ARFGEF2: variants seen among roughly 807,000 people sequenced by gnomAD.
The protein encoded by ARFGEF2 is brefeldin A-inhibited guanine nucleotide-exchange protein 2.
In ARFGEF2, 74 loss-of-function variants were observed where a neutral mutation model predicts 219.9. The observed-to-expected ratio is 0.34, with a 90% confidence interval of 0.28 to 0.41. The LOEUF (loss-of-function observed/expected upper bound fraction) is 0.41, where lower values mean the gene tolerates loss of function less well. Ranked by LOEUF, ARFGEF2 falls within the 10% of genes least tolerant of loss-of-function variation. The pLI is 1.00. For synonymous variants in ARFGEF2, 733 were observed against 799.2 expected, an observed-to-expected ratio of 0.92 and a Z score of 1.40; for missense variants, 1,743 against 2,218.3, an observed-to-expected ratio of 0.79 and a Z score of 4.30.
intron 1 of ARFGEF2, among the ~76,000 whole-genome samples, chr20:48,936,341 C>CG (rs1343511517): frequency 4.5e-4 from 65 of 145,310 alleles, no homozygotes; most frequent in African/African-American, 1.6e-3. Flanking sequence ...GCTGGCTGGG[C>CG]GGGGGGCTGA....
intron 34 of ARFGEF2, among the ~76,000 whole-genome samples, chr20:49,021,012 A>T (rs1312183193): frequency 6.6e-6 from 1 of 152,116 alleles, no homozygotes; most frequent in Admixed American, 6.5e-5. Context: ...GTTTTAATTG[A>T]CTTGGCATAA....
At chr20:49,017,783 C>T (rs2091540067) in intron 33 of ARFGEF2, among the ~76,000 whole-genome samples, 1 of 152,144 alleles carries the variant, frequency 6.6e-6, no homozygotes, top group Non-Finnish European at 1.5e-5. Flanking sequence ...CTTTGTGTGA[C>T]CGTGCATGCC....
Position 48,941,888 on chromosome 20 carries a change from G to A in ARFGEF2, c.177G>A (p.Lys59=). The part of the protein sequence containing the change: ...KQRLGTAAPP[K]ANFIEADKYF... ...GGCTTGGCACTGCTGCACCACCAAA[G>A]GCAAACTTCATTGAAGCTGACAAGT... Residue 59 remains lysine, a synonymous_variant, in exon 3 of 39, where the codon AAG becomes AAA. Transcript: ENST00000371917. 1 of 1,614,234 alleles carries A rather than the reference G, an allele frequency of 6.2e-7. No individual in the cohort carries two copies. The highest frequency in any genetic ancestry group is 8.5e-7 in the Non-Finnish European group (1 of 1,180,042).
chr20:49,028,328 G>T (rs1004357097), intron 36 of ARFGEF2, among the ~76,000 whole-genome samples: 2 of 152,176 alleles, frequency 1.3e-5, no homozygotes, highest in African/African-American at 4.8e-5. Context: ...GGCTGAGGCA[G>T]GAGGATCATT....
In ARFGEF2 at chr20:49,032,101, C is replaced by T. The variant is rs1303771541; in HGVS notation, c.5116C>T (p.Arg1706Trp). Residue 1706 changes from arginine (R) to tryptophan (W), a missense_variant, in exon 38 of 39, where the codon CGG (arginine) becomes TGG (tryptophan). By Grantham distance (101) the Arg-to-Trp change is moderately radical. This residue lies in a region of ARFGEF2 where 578 missense variants were observed against 664.0 expected (regional missense o/e 0.87). Transcript: ENST00000371917. ...CATCACTGTGAATTCTGAGAGCCAT[C>T]GGGAGGCCTGGACAAGTCTCTTGTT... ...YFITVNSESH[R>W]EAWTSLLLLL... The T allele has an allele frequency of 9.3e-6, 15 of 1,614,030 alleles. No individual in the cohort carries two copies. The highest frequency in any genetic ancestry group is 7.7e-5 in the South Asian group (7 of 91,078).
chr20:48,953,916 C>G, intron 6 of ARFGEF2, 126 bp downstream of exon 6: 1 of 1,003,344 alleles, frequency 1.0e-6, no homozygotes, highest in Admixed American at 2.0e-5. Flanking sequence ...CTTTCTGGGC[C>G]TTTCCCTTTG....
chr20:48,989,166 C>T, intron 18 of ARFGEF2, 119 bp from the exon 19 acceptor site: 1 of 1,145,020 alleles, frequency 8.7e-7, no homozygotes, highest in Non-Finnish European at 1.3e-6. Flanking sequence ...TTGTAATGGA[C>T]TCACGAGATG....
At chr20:49,019,825 T>C (rs1285275487) in intron 34 of ARFGEF2, among the ~76,000 whole-genome samples, 1 of 152,234 alleles carries the variant, frequency 6.6e-6, no homozygotes, top group African/African-American at 2.4e-5. Context: ...TTCTGTTGAT[T>C]GTTGGCCCCT....
intron 1 of ARFGEF2, among the ~76,000 whole-genome samples, chr20:48,936,058 G>A (rs1162168026): frequency 1.3e-4 from 18 of 143,816 alleles, no homozygotes; most frequent in African/African-American, 3.9e-4. Flanking sequence ...CGCATGGGGC[G>A]GCTGGCCGGG....
In ARFGEF2 at chr20:48,998,335, G is replaced by T; in HGVS notation, c.3263-1G>T. 5 of 1,614,172 alleles carry T rather than the reference G, an allele frequency of 3.1e-6. No homozygotes were observed. Among genetic ancestry groups the T allele is most frequent in the Non-Finnish European group, 4.2e-6 (5 of 1,180,028 alleles). On this transcript the variant is annotated splice_acceptor_variant, in intron 24 of 38. Transcript: ENST00000371917. LOFTEE classifies it high-confidence loss of function. ...CTTGTGTTGTTGGGTCTGGCCTGTA[G>T]TTGACTTTGTCCGCTGGCTGTGTGC...
At chr20:48,949,785 G>T (rs2091053403) in intron 3 of ARFGEF2, among the ~76,000 whole-genome samples, 1 of 152,094 alleles carries the variant, frequency 6.6e-6, no homozygotes, top group African/African-American at 2.4e-5. Context: ...CCCTGGTGGG[G>T]GCAGAAGCAT....
In ARFGEF2 at chr20:49,035,605, G is replaced by A. The variant is rs1759027340; in HGVS notation, c.*2406G>A. On this transcript the variant is annotated 3_prime_UTR_variant, in exon 39 of 39. Transcript: ENST00000371917. ...CACTCAAACACTAGTGAAAGGGTATGTACAACCGCAACATCAGGCCAGGAC... is the reference window on the plus strand; with the variant it reads ...CACTCAAACACTAGTGAAAGGGTATATACAACCGCAACATCAGGCCAGGAC... 2.0e-5 allele frequency: 3 copies of A among 152,218 alleles called. No homozygotes were observed. The highest frequency in any genetic ancestry group is 2.0e-4 in the Admixed American group (3 of 15,272). 9.4% of individuals were successfully genotyped at this position (152,218 alleles called of 1,614,324 possible).
At chr20:48,936,853 A>G (rs181885613) in intron 1 of ARFGEF2, among the ~76,000 whole-genome samples, 1 of 152,076 alleles carries the variant, frequency 6.6e-6, no homozygotes, top group East Asian at 1.9e-4. Context: ...TAATGACCAG[A>G]GATGATGAGC....
intron 6 of ARFGEF2, among the ~76,000 whole-genome samples, chr20:48,962,136 C>A (rs1394298706): frequency 6.6e-6 from 1 of 152,062 alleles, no homozygotes; most frequent in African/African-American, 2.4e-5. Context: ...GCTGGGATTG[C>A]TCCATTGCAC....
In ARFGEF2 at chr20:48,986,733, T is replaced by C. The variant is rs1171742385; in HGVS notation, c.2276+1120T>C. 3.9e-5 allele frequency among the ~76,000 whole-genome samples: 6 copies of C among 152,278 alleles called. No individual in the cohort carries two copies. The South Asian group carries it at 8.3e-4, about 21-fold the overall frequency. ...TATTTTTTTTGAGACAGGGTCTTGCTCTCTTGCCCAGGTTGAAGTACAGTG... is the reference window on the plus strand; with the variant it reads ...TATTTTTTTTGAGACAGGGTCTTGCCCTCTTGCCCAGGTTGAAGTACAGTG... On this transcript the variant is annotated intron_variant, in intron 16 of 38. Coordinates refer to ENST00000371917, the MANE Select transcript of ARFGEF2 (RefSeq NM_006420.3).
In ARFGEF2 at chr20:48,976,105, G is replaced by C. The variant is rs1389257605; in HGVS notation, c.1864G>C (p.Val622Leu). Residue 622 changes from valine to leucine, a missense_variant, in exon 14 of 39, where the codon GTG becomes CTG. By Grantham distance (32) the Val-to-Leu change is conservative. This residue lies in a region of ARFGEF2 where 666 missense variants were observed against 955.4 expected (regional missense o/e 0.70). Transcript: ENST00000371917. Reference protein sequence around the residue: ...RCSVTSMESTVSSGTQTTVQD... With the variant: ...RCSVTSMESTLSSGTQTTVQD... ...TAGTGTGACGTCCATGGAGTCCACA[G>C]TGTCCTCGGGGACCCAGACAACTGT... 1.2e-6 allele frequency: 2 copies of C among 1,613,666 alleles called. No individual in the cohort carries two copies. Among genetic ancestry groups the C allele is most frequent in the Non-Finnish European group, 8.5e-7 (1 of 1,180,042 alleles).
intron 1 of ARFGEF2, among the ~76,000 whole-genome samples, chr20:48,925,247 G>A (rs2090869672): frequency 6.6e-6 from 1 of 152,200 alleles, no homozygotes; most frequent in African/African-American, 2.4e-5. Flanking sequence ...CCAAGTAGGG[G>A]ATAGTGCCCT....
Position 49,017,917 on chromosome 20 carries a change from TCTTTA to T in ARFGEF2, c.4509+371_4509+375del, listed in dbSNP as rs138592371. Among the ~76,000 whole-genome samples, 1,408 of 152,332 alleles carry T rather than the reference TCTTTA, an allele frequency of 9.2e-3. 26 individuals carry two copies. The highest frequency in any genetic ancestry group is 0.033 in the African/African-American group (1,363 of 41,564). On this transcript the variant is annotated intron_variant, in intron 33 of 38. Coordinates refer to ENST00000371917, the MANE Select transcript of ARFGEF2 (RefSeq NM_006420.3). ...TCAGTGGCTGCATAGTATTATAATT[TCTTTA>T]CTTCTCCCTTATCGGACTCTCAGGT...
At chr20:48,942,578 G>A (rs1029876558) in intron 3 of ARFGEF2, among the ~76,000 whole-genome samples, 2 of 147,554 alleles carry the variant, frequency 1.4e-5, no homozygotes, top group Admixed American at 7.0e-5. Flanking sequence ...TCTGCTTCTC[G>A]GGTTCAAGGG....
Sources: allele counts gnomAD v4.1 joint callset (sites outside exome capture counted in the v4.1 genomes callset), GRCh38; gene constraint gnomAD v4.1.1; regional missense constraint gnomAD v4.1.1; transcripts MANE v1.5; gene names NCBI Gene and HGNC (gene_info 2026-07-23, HGNC 2026-07-21).